Variants in TMEM178B observed in about 807,000 individuals in gnomAD.
TMEM178B encodes the protein transmembrane protein 178B.
Under a neutral mutation model 31.0 loss-of-function variants are expected in TMEM178B, and 5 were observed. The ratio of observed to expected loss-of-function variants is 0.16; its 90% CI spans 0.08 to 0.34. TMEM178B has a LOEUF of 0.34. Among genes scored for constraint, TMEM178B ranks in the 10% least tolerant of loss-of-function variants. TMEM178B has a pLI of 1.00. For missense variants in TMEM178B, 275 were observed against 400.3 expected, an observed-to-expected ratio of 0.69 and a Z score of 2.67; for synonymous variants, 164 against 164.0, an observed-to-expected ratio of 1.00 and a Z score of 0.00.
intron 2 of TMEM178B, among the ~76,000 whole-genome samples, chr7:141,295,347 C>T (rs545950780): frequency 2.6e-5 from 4 of 152,312 alleles, no homozygotes; most frequent in African/African-American, 9.6e-5. Flanking sequence ...AGGACCTCTA[C>T]AGCAGGCCTG....
At chr7:141,179,419 C>A (rs1796481932) in intron 1 of TMEM178B, among the ~76,000 whole-genome samples, 1 of 151,812 alleles carries the variant, frequency 6.6e-6, no homozygotes, top group Non-Finnish European at 1.5e-5. Context: ...GGACAGAAGG[C>A]AAGGAGAGGC....
At chr7:141,248,609 A>G (rs780632582) in intron 2 of TMEM178B, among the ~76,000 whole-genome samples, 1 of 152,198 alleles carries the variant, frequency 6.6e-6, no homozygotes, top group Admixed American at 6.5e-5. Context: ...ACTATACTGA[A>G]TTGTACACAA....
In TMEM178B at chr7:141,343,838, C is replaced by T. The variant is rs138986450; in HGVS notation, c.497-93770C>T. On this transcript the variant is annotated intron_variant, in intron 2 of 3. Transcript: ENST00000565468. ...TGCTGGGATTACAGGCGTGAGCCACCGCGCCCAGCCGGGAACTCTTTTTAA... is the reference window on the plus strand; with the variant it reads ...TGCTGGGATTACAGGCGTGAGCCACTGCGCCCAGCCGGGAACTCTTTTTAA... 5.7e-4 allele frequency among the ~76,000 whole-genome samples: 87 copies of T among 152,192 alleles called. 1 individual carries two copies. The highest frequency in any genetic ancestry group is 1.8e-3 in the African/African-American group (76 of 41,502).
At position 141,471,649 on chromosome 7, in the gene TMEM178B, G is replaced by C. The variant is rs1802244305; in HGVS notation, c.*863G>C. ...TAAATGGAAATACTGCATTATGACT[G>C]TTGTCTCTCTTATCACTGTAGTGGT... On this transcript the variant is annotated 3_prime_UTR_variant, in exon 4 of 4. Transcript: ENST00000565468. This position sits in a 1 kb window ranked among gnomAD's most constrained non-coding sequence, Gnocchi z 4.1. 1 of 151,852 alleles carries C rather than the reference G, an allele frequency of 6.6e-6. No homozygotes were observed. Among genetic ancestry groups the C allele is most frequent in the South Asian group, 2.1e-4 (1 of 4,790 alleles). 9.4% of individuals were successfully genotyped at this position (151,852 alleles called of 1,614,324 possible).
the TMEM178B span, among the ~76,000 whole-genome samples, chr7:141,499,129 C>T: frequency 5.7e-3 from 874 of 152,256 alleles, 16 homozygotes; most frequent in African/African-American, 0.02. Context: ...TCAGGGGCTA[C>T]TGTGCTTAAA....
intron 3 of TMEM178B, among the ~76,000 whole-genome samples, chr7:141,459,960 A>G (rs1012060387): frequency 6.6e-6 from 1 of 152,092 alleles, no homozygotes; most frequent in Non-Finnish European, 1.5e-5. Context: ...AAAAAAAAAA[A>G]AAGAACACAA....
chr7:141,492,602 T>C, the TMEM178B span, among the ~76,000 whole-genome samples: 1 of 152,208 alleles, frequency 6.6e-6, no homozygotes, highest in African/African-American at 2.4e-5. Flanking sequence ...AAGGCGAGTT[T>C]CCGTAACAGG....
intron 1 of TMEM178B, among the ~76,000 whole-genome samples, chr7:141,102,493 G>A (rs1162149209): frequency 6.6e-6 from 1 of 152,162 alleles, no homozygotes; most frequent in East Asian, 1.9e-4. Flanking sequence ...AGTTGGGACA[G>A]TTGTGTTTGG....
At chr7:141,262,645 C>T (rs1798032633) in intron 2 of TMEM178B, among the ~76,000 whole-genome samples, 1 of 151,958 alleles carries the variant, frequency 6.6e-6, no homozygotes. Context: ...TTCTCACATA[C>T]ATTAGCATAA....
At chr7:141,353,398 C>T (rs1473957674) in intron 2 of TMEM178B, among the ~76,000 whole-genome samples, 1 of 152,216 alleles carries the variant, frequency 6.6e-6, no homozygotes, top group East Asian at 1.9e-4. Flanking sequence ...GCTTATCTCA[C>T]ATTTTATTCT....
At chr7:141,203,088 T>C (rs1796904882) in intron 1 of TMEM178B, among the ~76,000 whole-genome samples, 1 of 152,246 alleles carries the variant, frequency 6.6e-6, no homozygotes, top group African/African-American at 2.4e-5. Context: ...CGAATGCATC[T>C]GATAAATGGC....
intron 2 of TMEM178B, among the ~76,000 whole-genome samples, chr7:141,377,867 C>T (rs116165349): frequency 2.6e-5 from 4 of 152,080 alleles, no homozygotes; most frequent in African/African-American, 9.7e-5. Flanking sequence ...TCCTGTGTAT[C>T]TTTCACTCCA....
At chr7:141,234,175 C>T (rs1797491384) in intron 2 of TMEM178B, among the ~76,000 whole-genome samples, 1 of 152,150 alleles carries the variant, frequency 6.6e-6, no homozygotes, top group African/African-American at 2.4e-5. Flanking sequence ...CAAGATACTG[C>T]CTCTGTTCTC....
intron 2 of TMEM178B, among the ~76,000 whole-genome samples, chr7:141,235,770 A>G (rs1297624657): frequency 6.6e-6 from 1 of 152,222 alleles, no homozygotes; most frequent in African/African-American, 2.4e-5. Context: ...ACTCCTAATC[A>G]TAGGGCTCAT....
chr7:141,402,185 GC>G (rs1586936932), intron 2 of TMEM178B, among the ~76,000 whole-genome samples: 1 of 152,208 alleles, frequency 6.6e-6, no homozygotes, highest in African/African-American at 2.4e-5. Flanking sequence ...CAAAGGAGGA[GC>G]CGCACAGGCA....
At chr7:141,084,690 A>G (rs1386617689) in intron 1 of TMEM178B, among the ~76,000 whole-genome samples, 3 of 152,144 alleles carry the variant, frequency 2.0e-5, no homozygotes, top group African/African-American at 7.2e-5. Flanking sequence ...ATGCTTGTCT[A>G]GTCTCCCTGC....
intron 2 of TMEM178B, among the ~76,000 whole-genome samples, chr7:141,385,626 G>T (rs1389080658): frequency 6.6e-6 from 1 of 152,172 alleles, no homozygotes; most frequent in South Asian, 2.1e-4. Context: ...TTGTTAAGGA[G>T]TCAGCAACCT....
At chr7:141,086,711 AT>A (rs900179507) in intron 1 of TMEM178B, among the ~76,000 whole-genome samples, 2 of 152,028 alleles carry the variant, frequency 1.3e-5, no homozygotes, top group African/African-American at 2.4e-5. Flanking sequence ...TTATTTATTT[AT>A]TTTTTGAGAT....
At chr7:141,103,631 A>G (rs1019278840) in intron 1 of TMEM178B, among the ~76,000 whole-genome samples, 3 of 152,176 alleles carry the variant, frequency 2.0e-5, no homozygotes, top group Non-Finnish European at 4.4e-5. Flanking sequence ...AATTTTTAAC[A>G]TTGGTTTTAG....
Sources: allele counts gnomAD v4.1 joint callset (sites outside exome capture counted in the v4.1 genomes callset), GRCh38; gene constraint gnomAD v4.1.1; non-coding constraint Gnocchi (gnomAD v3.1); transcripts MANE v1.5; gene names NCBI Gene and HGNC (gene_info 2026-07-23, HGNC 2026-07-21).